CCDC3: variants seen among roughly 807,000 people sequenced by gnomAD.
CCDC3 encodes coiled-coil domain containing 3, also known as coiled-coil domain-containing protein 3.
Under a neutral mutation model 21.4 loss-of-function variants are expected in CCDC3, and 24 were observed. The observed-to-expected ratio is 1.12, with a 90% confidence interval of 0.81 to 1.58. CCDC3 has a LOEUF of 1.58. Among genes scored for constraint, CCDC3 ranks in the 40% most tolerant of loss-of-function variants. The pLI, the probability that CCDC3 is intolerant of heterozygous loss-of-function variation, is 0.00. For synonymous variants in CCDC3, 186 were observed against 166.0 expected (o/e 1.12, Z -0.93); for missense variants, 425 against 360.9 (o/e 1.18, Z -1.44).
At chr10:13,034,798 GTGGATTGC>G (rs1325218048) in intron 5 of CCDC3, among the ~76,000 whole-genome samples, 4 of 152,162 alleles carry the variant, frequency 2.6e-5, no homozygotes, top group Non-Finnish European at 4.4e-5. Context: ...GCCAAAGTGG[GTGGATTGC>G]TTGAGGTCAG....
At chr10:13,057,957 T>G (rs746930475) in intron 4 of CCDC3, 4 of 615,798 alleles carry the variant, frequency 6.5e-6, no homozygotes, top group Non-Finnish European at 1.2e-5. Flanking sequence ...TGAGCTTTCT[T>G]GTGTATCTCC....
At chr10:12,919,081 C>T (rs376762276) in intron 2 of CCDC3, among the ~76,000 whole-genome samples, 1 of 151,940 alleles carries the variant, frequency 6.6e-6, no homozygotes, top group Non-Finnish European at 1.5e-5. Context: ...ACAAAAAAGA[C>T]ACCAAGTTCT....
intron 2 of CCDC3, among the ~76,000 whole-genome samples, chr10:12,924,388 T>C (rs572081425): frequency 6.6e-6 from 1 of 152,342 alleles, no homozygotes; most frequent in East Asian, 1.9e-4. Flanking sequence ...GCTTGTGGGT[T>C]GAAGGAGAAA....
chr10:12,948,997 C>T (rs753996859), intron 2 of CCDC3, among the ~76,000 whole-genome samples: 17 of 152,012 alleles, frequency 1.1e-4, no homozygotes, highest in African/African-American at 1.7e-4. Flanking sequence ...TCCCAAAGTG[C>T]TGGGAGGCAA....
At chr10:12,963,378 A>C (rs1835208486) in intron 2 of CCDC3, among the ~76,000 whole-genome samples, 1 of 152,140 alleles carries the variant, frequency 6.6e-6, no homozygotes, top group Non-Finnish European at 1.5e-5. Flanking sequence ...GACTTACCAA[A>C]TCCACATGCT....
At chr10:12,962,125 T>C (rs898953946) in intron 2 of CCDC3, among the ~76,000 whole-genome samples, 9 of 152,214 alleles carry the variant, frequency 5.9e-5, no homozygotes, top group Non-Finnish European at 1.0e-4. Context: ...AGCTCCCAAA[T>C]TTCTCCAGGC....
intron 5 of CCDC3, among the ~76,000 whole-genome samples, chr10:13,035,028 A>C (rs985590785): frequency 4.5e-5 from 5 of 111,404 alleles, no homozygotes; most frequent in Non-Finnish European, 7.9e-5. Flanking sequence ...TCTGTCTCAA[A>C]AAATTAAAAA....
At chr10:12,977,989 G>C (rs888172069) in intron 2 of CCDC3, among the ~76,000 whole-genome samples, 3 of 151,708 alleles carry the variant, frequency 2.0e-5, no homozygotes, top group African/African-American at 4.8e-5. Context: ...CACATGTATC[G>C]CTTGGGAAAG....
chr10:13,048,499 C>T (rs1836562365), intron 5 of CCDC3, among the ~76,000 whole-genome samples: 1 of 152,012 alleles, frequency 6.6e-6, no homozygotes, highest in Admixed American at 6.6e-5. Flanking sequence ...GCCAGGGTCC[C>T]AAGTTTTTAT....
At position 13,001,414 on chromosome 10, in the gene CCDC3, G is replaced by A; in HGVS notation, c.157C>T (p.Pro53Ser). The A allele has an allele frequency of 6.4e-7, 1 of 1,554,694 alleles. No individual in the cohort carries two copies. The highest frequency in any genetic ancestry group is 8.7e-7 in the Non-Finnish European group (1 of 1,150,334). Residue 53 changes from proline (P) to serine (S), a missense_variant, in exon 1 of 3, where the codon CCC (proline) becomes TCC (serine). Transcript: ENST00000378825. ...TGGTTGTAGAGGCCGGGCGCCTCGGGGTGCAGCGCCAGCACCCTGGCGTAC... is the reference window on the plus strand; with the variant it reads ...TGGTTGTAGAGGCCGGGCGCCTCGGAGTGCAGCGCCAGCACCCTGGCGTAC... ...IVYARVLALH[P>S]EAPGLYNHLP...
intron 5 of CCDC3, among the ~76,000 whole-genome samples, chr10:13,041,504 A>ATTTTTTTTTTTTTTTTTTTT (rs71477255): frequency 1.6e-5 from 1 of 62,086 alleles, no homozygotes; most frequent in Admixed American, 2.0e-4. Context: ...CTGGCAGATA[A>ATTTTTTTTTTTTTTTTTTTT]TTTTTTTTTT....
intron 2 of CCDC3, among the ~76,000 whole-genome samples, chr10:12,946,287 C>T (rs1249140345): frequency 6.6e-6 from 1 of 152,242 alleles, no homozygotes; most frequent in Non-Finnish European, 1.5e-5. Flanking sequence ...AATGTCTGAG[C>T]ATCAGTGTCA....
chr10:12,990,069 A>G (rs1166338475), intron 2 of CCDC3, among the ~76,000 whole-genome samples: 3 of 151,904 alleles, frequency 2.0e-5, no homozygotes, highest in Non-Finnish European at 4.4e-5. Context: ...TGGCTAACAC[A>G]GTGAAACCGC....
At chr10:13,020,839 A>G (rs1256035066) in intron 5 of CCDC3, among the ~76,000 whole-genome samples, 1 of 152,216 alleles carries the variant, frequency 6.6e-6, no homozygotes, top group African/African-American at 2.4e-5. Context: ...TATGAGCAAA[A>G]AGTTTTCACA....
intron 5 of CCDC3, among the ~76,000 whole-genome samples, chr10:13,041,905 G>T (rs193067027): frequency 6.6e-6 from 1 of 152,208 alleles, no homozygotes; most frequent in African/African-American, 2.4e-5. Flanking sequence ...GGGATTACAG[G>T]TGTGAGCCAC....
rs113152674 is a variant in CCDC3, at chr10:13,011,778, C to T, written c.-1-13266G>A. On this transcript the variant is annotated intron_variant, in intron 5 of 6. Transcript: ENST00000378839. The stretch of plus-strand genomic sequence containing the variant: ...AGCAAGAACACAGCTGGAGGAATCA[C>T]ATTGCCCAACTTCAAACAGTACTAT... 6.9e-3 allele frequency among the ~76,000 whole-genome samples: 1,053 copies of T among 152,226 alleles called. 13 individuals are homozygous for T. The highest frequency in any genetic ancestry group is 0.024 in the African/African-American group (982 of 41,548).
intron 2 of CCDC3, among the ~76,000 whole-genome samples, chr10:12,970,534 T>G (rs1215490373): frequency 6.6e-6 from 1 of 152,170 alleles, no homozygotes; most frequent in East Asian, 1.9e-4. Context: ...ATATTTAAAA[T>G]CATACTGTAC....
chr10:12,923,935 G>A (rs1201902595), intron 2 of CCDC3, among the ~76,000 whole-genome samples: 1 of 152,176 alleles, frequency 6.6e-6, no homozygotes, highest in Non-Finnish European at 1.5e-5. Flanking sequence ...CTCAGGGAAT[G>A]GCTACACTTT....
At chr10:12,974,582 G>A (rs917656925) in intron 2 of CCDC3, among the ~76,000 whole-genome samples, 1 of 152,234 alleles carries the variant, frequency 6.6e-6, no homozygotes, top group Non-Finnish European at 1.5e-5. Flanking sequence ...GTGTGGGGTA[G>A]GTGCTGGGAA....
Sources: gnomAD v4.1 joint callset for allele counts (sites outside exome capture counted in the v4.1 genomes callset) on GRCh38, gnomAD v4.1.1 for gene constraint, MANE v1.5 for transcripts, NCBI Gene and HGNC (gene_info 2026-07-23, HGNC 2026-07-21) for gene names.